The following KLF5 variants were observed in gnomAD, a reference collection of about 807,000 sequenced individuals.
KLF5 encodes the protein Krueppel-like factor 5.
KLF5 carries 9 observed loss-of-function variants against 36.9 expected under a neutral mutation model. That is an observed-to-expected ratio of 0.24 (90% CI 0.15 to 0.43). The LOEUF (loss-of-function observed/expected upper bound fraction) is 0.43, where lower values mean the gene tolerates loss of function less well. KLF5 is among the 20% of genes least tolerant of loss of function. KLF5 has a pLI of 1.00. For missense variants in KLF5, 524 were observed against 599.5 expected, an observed-to-expected ratio of 0.87 and a Z score of 1.31; for synonymous variants, 246 against 241.7, an observed-to-expected ratio of 1.02 and a Z score of -0.17.
rs891994688 is a variant in KLF5, at chr13:73,076,923, T to C, written c.*1037T>C. On this transcript the variant is annotated 3_prime_UTR_variant, in exon 4 of 4. Coordinates refer to ENST00000377687, the MANE Select transcript of KLF5 (RefSeq NM_001730.5). ...GGTTAAATGACAATTTATGTGGATT[T>C]TGCATGTAATACACAGTGAGACACA... The C allele has an allele frequency of 6.6e-6, 1 of 152,352 alleles. No individual in the cohort carries two copies. Among genetic ancestry groups the C allele is most frequent in the Non-Finnish European group, 1.5e-5 (1 of 68,038 alleles). 9.4% of individuals were successfully genotyped at this position (152,352 alleles called of 1,614,324 possible). A position where few individuals can be genotyped will look rare whatever the true frequency, so the allele number is the denominator to read the frequency against.
At chr13:73,073,060 G>GA (rs2044733673) in intron 3 of KLF5, among the ~76,000 whole-genome samples, 1 of 152,198 alleles carries the variant, frequency 6.6e-6, no homozygotes, top group Non-Finnish European at 1.5e-5. Context: ...GGTGGTATTG[G>GA]AAAGAGATTC....
chr13:73,070,047 A>G (rs1178555170), intron 3 of KLF5, among the ~76,000 whole-genome samples: 1 of 152,204 alleles, frequency 6.6e-6, no homozygotes, highest in Non-Finnish European at 1.5e-5. Flanking sequence ...TACTTTAGTA[A>G]AAGTATCTCC....
At chr13:73,075,239 G>A (rs912589058) in intron 3 of KLF5, among the ~76,000 whole-genome samples, 3 of 152,122 alleles carry the variant, frequency 2.0e-5, no homozygotes, top group Non-Finnish European at 4.4e-5. Context: ...ATGTATAGGT[G>A]ATTCGTGCAA....
chr13:73,059,785 GC>G (rs1214129324), intron 1 of KLF5, 197 bp downstream of exon 1: 5 of 536,402 alleles, frequency 9.3e-6, no homozygotes, highest in African/African-American at 4.2e-5. Context: ...GGGGGGGGGG[GC>G]CGGGGGTGGG....
intron 3 of KLF5, among the ~76,000 whole-genome samples, chr13:73,069,291 G>T (rs761350984): frequency 4.3e-4 from 65 of 152,118 alleles, no homozygotes; most frequent in Non-Finnish European, 6.3e-4. Context: ...CTTAATGGAT[G>T]GAGATCTTAC....
In KLF5 at chr13:73,062,339, C is replaced by T; in HGVS notation, c.740C>T (p.Ala247Val). Residue 247 changes from alanine to valine, a missense_variant, in exon 2 of 4, where the codon GCA becomes GTA. By Grantham distance (64) the Ala-to-Val change is moderately conservative. Transcript: ENST00000377687. Reference sequence around the variant, plus strand: ...ATGCCCAGTTCTACAAATCAGACAGCAGCAATGGACACTCTTAATGTTTCT... The same window carrying T: ...ATGCCCAGTTCTACAAATCAGACAGTAGCAATGGACACTCTTAATGTTTCT... ...LDMPSSTNQT[A>V]AMDTLNVSMS... 3 of 1,614,228 alleles carry T rather than the reference C, an allele frequency of 1.9e-6. No individual in the cohort carries two copies. The highest frequency in any genetic ancestry group is 1.7e-6 in the Non-Finnish European group (2 of 1,180,038).
intron 1 of KLF5, chr13:73,059,861 G>A: frequency 1.1e-6 from 1 of 945,826 alleles, no homozygotes; most frequent in Non-Finnish European, 1.3e-6. Flanking sequence ...GGAACTGGGT[G>A]CTCACGCGCA....
At chr13:73,074,190 A>G (rs2044742495) in intron 3 of KLF5, among the ~76,000 whole-genome samples, 1 of 152,200 alleles carries the variant, frequency 6.6e-6, no homozygotes, top group African/African-American at 2.4e-5. Context: ...TTATCATGAC[A>G]ACAAAAATAT....
chr13:73,059,970 G>A (rs1251355170), intron 1 of KLF5: 1 of 192,576 alleles, frequency 5.2e-6, no homozygotes, highest in African/African-American at 2.4e-5. Context: ...CCAATGCCAA[G>A]GCATTGGAGC....
chr13:73,063,775 A>G (rs781068492), intron 2 of KLF5, 49 bp from the exon 3 acceptor site: 1 of 1,266,292 alleles, frequency 7.9e-7, no homozygotes, highest in East Asian at 2.3e-5. Flanking sequence ...TCAAATGTAA[A>G]GATTTCAAAA....
chr13:73,073,411 A>G (rs1248353360), intron 3 of KLF5, among the ~76,000 whole-genome samples: 19 of 152,192 alleles, frequency 1.2e-4, no homozygotes, highest in Non-Finnish European at 1.6e-4. Context: ...CAAAACCCCA[A>G]ATGTTTTAGA....
At chr13:73,072,235 A>C (rs1361421651) in intron 3 of KLF5, among the ~76,000 whole-genome samples, 1 of 152,178 alleles carries the variant, frequency 6.6e-6, no homozygotes, top group Admixed American at 6.5e-5. Context: ...GGGGAAAAAA[A>C]AGGACAATTT....
intron 2 of KLF5, 139 bp downstream of exon 2, chr13:73,062,873 GTA>G: frequency 1.9e-6 from 1 of 522,124 alleles, no homozygotes; most frequent in Non-Finnish European, 3.2e-6. Context: ...GTACTTGACA[GTA>G]AAAAAAAAAA....
intron 1 of KLF5, chr13:73,059,840 G>T: frequency 1.0e-6 from 1 of 961,254 alleles, no homozygotes; most frequent in Non-Finnish European, 1.2e-6. Flanking sequence ...CCTGGGAGAG[G>T]TAAGAGGGAG....
At chr13:73,063,790 C>G in intron 2 of KLF5, 34 bp from the exon 3 acceptor site, 1 of 1,450,370 alleles carries the variant, frequency 6.9e-7, no homozygotes, top group East Asian at 2.3e-5. Context: ...TCAAAAGGAT[C>G]TCCAAAATGA....
At chr13:73,073,075 A>G (rs1180902930) in intron 3 of KLF5, among the ~76,000 whole-genome samples, 1 of 152,244 alleles carries the variant, frequency 6.6e-6, no homozygotes, top group Non-Finnish European at 1.5e-5. Context: ...AGATTCTGTA[A>G]AAATCCAATT....
Position 73,059,508 on chromosome 13 carries a change from C to G in KLF5, c.181C>G (p.Gln61Glu). 8.3e-7 allele frequency: 1 copy of G among 1,211,790 alleles called. No individual in the cohort carries two copies. 75.1% of individuals were successfully genotyped at this position (1,211,790 alleles called of 1,614,324 possible). A position where few individuals can be genotyped will look rare whatever the true frequency, so the allele number is the denominator to read the frequency against. Residue 61 changes from glutamine (Q) to glutamate (E), a missense_variant, in exon 1 of 4, where the codon CAG (glutamine) becomes GAG (glutamate). Transcript: ENST00000377687. ...LKHAHHRPQAQPAPAQAPQPA... is the reference protein window; with the variant it reads ...LKHAHHRPQAEPAPAQAPQPA... ...GCACGCGCACCACCGCCCGCAGGCGCAGCCCGCGCCCGCGCAGGCCCCGCA... is the reference window on the plus strand; with the variant it reads ...GCACGCGCACCACCGCCCGCAGGCGGAGCCCGCGCCCGCGCAGGCCCCGCA...
chr13:73,061,940 G>A lies in KLF5; in HGVS notation c.341G>A (p.Arg114Gln). Residue 114 changes from arginine to glutamine, a missense_variant, in exon 2 of 4, where the codon CGA (arginine) becomes CAA (glutamine). Physicochemically the swap from Arg to Gln is conservative, Grantham distance 43. Coordinates refer to ENST00000377687, the MANE Select transcript of KLF5 (RefSeq NM_001730.5). ...ATTCCAGAGCATAAAAAGTATAGACGAGACAGTGCCTCAGTCGTAGACCAG... is the reference window on the plus strand; with the variant it reads ...ATTCCAGAGCATAAAAAGTATAGACAAGACAGTGCCTCAGTCGTAGACCAG... ...PIIPEHKKYR[R>Q]DSASVVDQFF... The A allele has an allele frequency of 6.2e-7, 1 of 1,613,938 alleles. No individual in the cohort carries two copies. Among genetic ancestry groups the A allele is most frequent in the Non-Finnish European group, 8.5e-7 (1 of 1,179,904 alleles).
intron 3 of KLF5, among the ~76,000 whole-genome samples, chr13:73,074,456 A>G (rs1566567042): frequency 6.6e-6 from 1 of 152,208 alleles, no homozygotes; most frequent in Non-Finnish European, 1.5e-5. Flanking sequence ...TAAGCCAGTA[A>G]TACTTTAATA....
Sources: gnomAD v4.1 joint callset for allele counts (sites outside exome capture counted in the v4.1 genomes callset) on GRCh38, gnomAD v4.1.1 for gene constraint, MANE v1.5 for transcripts, NCBI Gene and HGNC (gene_info 2026-07-23, HGNC 2026-07-21) for gene names.